Variants in NFIA observed in about 807,000 individuals in gnomAD.
NFIA encodes the protein nuclear factor I A.
Under a neutral mutation model 62.8 loss-of-function variants are expected in NFIA, and 8 were observed. The observed-to-expected ratio is 0.13, with a 90% CI of 0.07 to 0.23. The LOEUF (loss-of-function observed/expected upper bound fraction) is 0.23, where lower values mean the gene tolerates loss of function less well. Among genes scored for constraint, NFIA ranks in the 10% least tolerant of loss-of-function variants. The probability of loss-of-function intolerance (pLI) is 1.00; values close to 1 mark genes in which losing one functional copy is unlikely to be tolerated. For missense variants in NFIA, 410 were observed against 642.1 expected, an observed-to-expected ratio of 0.64 and a Z score of 3.91; for synonymous variants, 235 against 238.1, an observed-to-expected ratio of 0.99 and a Z score of 0.12.
chr1:61,208,171 G>T (rs1368642481), intron 2 of NFIA, among the ~76,000 whole-genome samples: 1 of 151,958 alleles, frequency 6.6e-6, no homozygotes, highest in Admixed American at 6.6e-5. Flanking sequence ...CCTATAACTA[G>T]ATCATCCTTT....
chr1:61,110,120 T>C (rs1279416457), intron 2 of NFIA, among the ~76,000 whole-genome samples: 2 of 151,962 alleles, frequency 1.3e-5, no homozygotes, highest in Non-Finnish European at 2.9e-5. Context: ...CAAAGGAGTT[T>C]TGTTAATTAA....
chr1:61,368,229 A>G (rs1167792255), intron 6 of NFIA, among the ~76,000 whole-genome samples: 1 of 152,164 alleles, frequency 6.6e-6, no homozygotes, highest in Non-Finnish European at 1.5e-5. Flanking sequence ...CAGTGTATAC[A>G]TTAGGTTTAT....
chr1:61,310,972 G>A (rs1391231258), intron 3 of NFIA, among the ~76,000 whole-genome samples: 1 of 152,120 alleles, frequency 6.6e-6, no homozygotes, highest in Non-Finnish European at 1.5e-5. Flanking sequence ...CTTTATCTCT[G>A]TATCCCCAGT....
At chr1:61,083,714 T>C (rs1646163735) in intron 1 of NFIA, among the ~76,000 whole-genome samples, 1 of 151,362 alleles carries the variant, frequency 6.6e-6, no homozygotes, top group Non-Finnish European at 1.5e-5. Flanking sequence ...GTTGGGCTCC[T>C]AGCCGGGAGC....
intron 2 of NFIA, among the ~76,000 whole-genome samples, chr1:61,167,322 A>G (rs1649646240): frequency 6.6e-6 from 1 of 152,114 alleles, no homozygotes; most frequent in Non-Finnish European, 1.5e-5. Flanking sequence ...GAAGACTAAA[A>G]CTTTCACTTT....
chr1:61,426,950 TC>T (rs1666896829), intron 10 of NFIA, among the ~76,000 whole-genome samples: 1 of 152,140 alleles, frequency 6.6e-6, no homozygotes, highest in Non-Finnish European at 1.5e-5. Flanking sequence ...GACCAGCCAC[TC>T]CTCTGTATTC....
At chr1:61,448,274 G>A (rs986730429) in intron 10 of NFIA, among the ~76,000 whole-genome samples, 4 of 152,004 alleles carry the variant, frequency 2.6e-5, no homozygotes, top group African/African-American at 4.8e-5. Context: ...GGGTTTCACC[G>A]CTCTGATTTT....
chr1:61,405,719 G>A (rs2499527), intron 8 of NFIA, among the ~76,000 whole-genome samples: 46,337 of 151,986 alleles, frequency 0.3, 7,428 homozygotes, highest in East Asian at 0.57. Context: ...ATTTTGATCA[G>A]AATTTTATAG....
At chr1:61,127,274 TG>T (rs2100482612) in intron 2 of NFIA, among the ~76,000 whole-genome samples, 1 of 151,434 alleles carries the variant, frequency 6.6e-6, no homozygotes, top group South Asian at 2.1e-4. Flanking sequence ...TGGCTAACAC[TG>T]TGAAACCCCA....
intron 1 of NFIA, among the ~76,000 whole-genome samples, chr1:61,083,548 C>T (rs1395747701): frequency 6.6e-6 from 1 of 151,848 alleles, no homozygotes; most frequent in Non-Finnish European, 1.5e-5. Context: ...GACGCGCGTT[C>T]CCCCGCGCCG....
chr1:61,404,483 T>A (rs1665724276), intron 8 of NFIA, among the ~76,000 whole-genome samples: 1 of 152,200 alleles, frequency 6.6e-6, no homozygotes, highest in Admixed American at 6.5e-5. Context: ...AGTGTTTGTG[T>A]TAAGTTTGCA....
chr1:61,082,552 AC>A, upstream of NFIA: 1 of 1,437,284 alleles, frequency 7.0e-7, no homozygotes, highest in Non-Finnish European at 9.2e-7. Context: ...GTGTAGGGAA[AC>A]TCTAGGCGGG....
At chr1:61,309,931 A>G (rs1325421915) in intron 3 of NFIA, among the ~76,000 whole-genome samples, 1 of 152,136 alleles carries the variant, frequency 6.6e-6, no homozygotes, top group Non-Finnish European at 1.5e-5. Flanking sequence ...TCTCCCTTTA[A>G]TTTTCTATTT....
intron 2 of NFIA, among the ~76,000 whole-genome samples, chr1:61,244,629 A>G (rs901220329): frequency 6.6e-6 from 1 of 152,206 alleles, no homozygotes; most frequent in Admixed American, 6.5e-5. Flanking sequence ...ACATTCTCAG[A>G]AGAGTATTAT....
At chr1:61,237,572 T>C (rs555508960) in intron 2 of NFIA, among the ~76,000 whole-genome samples, 1 of 152,308 alleles carries the variant, frequency 6.6e-6, no homozygotes, top group African/African-American at 2.4e-5. Context: ...CCATTGTGGG[T>C]GTTCTTTAAT....
chr1:61,341,857 G>A (rs1661937106), intron 4 of NFIA, among the ~76,000 whole-genome samples: 1 of 152,168 alleles, frequency 6.6e-6, no homozygotes, highest in Non-Finnish European at 1.5e-5. Context: ...ATATCCAGTA[G>A]TAACACTGAA....
At chr1:61,120,558 C>T (rs183866024) in intron 2 of NFIA, among the ~76,000 whole-genome samples, 4 of 152,110 alleles carry the variant, frequency 2.6e-5, no homozygotes, top group African/African-American at 9.7e-5. Flanking sequence ...ACAGAGCTGC[C>T]ATCAAAAGAG....
chr1:61,324,096 A>G (rs916260463), intron 3 of NFIA, among the ~76,000 whole-genome samples: 2 of 152,216 alleles, frequency 1.3e-5, no homozygotes, highest in Non-Finnish European at 2.9e-5. Context: ...CAGGTGGCTC[A>G]TAAGCCAGTG....
intron 3 of NFIA, among the ~76,000 whole-genome samples, chr1:61,283,627 A>G (rs1658302808): frequency 1.4e-5 from 2 of 144,532 alleles, no homozygotes; most frequent in South Asian, 4.5e-4. Context: ...TGTAGGATTT[A>G]CTTTGTAATT....
Sources: allele counts gnomAD v4.1 joint callset (sites outside exome capture counted in the v4.1 genomes callset), GRCh38; gene constraint gnomAD v4.1.1; transcripts MANE v1.5; gene names NCBI Gene and HGNC (gene_info 2026-07-23, HGNC 2026-07-21).